PSMC6: variants seen among roughly 807,000 people sequenced by gnomAD.
PSMC6 encodes the protein proteasome 26S subunit, ATPase 6.
Under a neutral mutation model 55.9 loss-of-function variants are expected in PSMC6, and 3 were observed. The ratio of observed to expected loss-of-function variants is 0.05; its 90% confidence interval spans 0.02 to 0.14. The LOEUF is 0.14. Among genes scored for constraint, PSMC6 ranks in the 10% least tolerant of loss-of-function variants. The pLI is 1.00. For synonymous variants in PSMC6, 137 were observed against 155.9 expected, an observed-to-expected ratio of 0.88 and a Z score of 0.90; for missense variants, 210 against 478.7, an observed-to-expected ratio of 0.44 and a Z score of 5.24.
At chr14:52,707,422 CAGGGACA>C in intron 1 of PSMC6, 118 bp downstream of exon 1, 1 of 1,380,962 alleles carries the variant, frequency 7.2e-7, no homozygotes, top group Non-Finnish European at 9.8e-7. Flanking sequence ...GGCCTAGGGC[CAGGGACA>C]AGGCGCTTTG....
chr14:52,707,249 G>A lies in PSMC6; in HGVS notation c.30G>A (p.Gln10=), dbSNP rs1292120806. Residue 10 remains glutamine (Q), a synonymous_variant, in exon 1 of 14, where the codon CAG becomes CAA. Transcript: ENST00000445930. MADPRDKAL[Q]DYRKKLLEHK... Reference sequence around the variant, plus strand: ...CGGACCCTAGAGATAAGGCGCTTCAGGACTACCGCAAGAAGTTGCTTGAAC... The same window carrying A: ...CGGACCCTAGAGATAAGGCGCTTCAAGACTACCGCAAGAAGTTGCTTGAAC... 1.2e-6 allele frequency: 2 copies of A among 1,614,098 alleles called. No individual in the cohort carries two copies. Among genetic ancestry groups the A allele is most frequent in the Non-Finnish European group, 1.7e-6 (2 of 1,180,018 alleles).
intron 13 of PSMC6, 94 bp from the exon 14 acceptor site, chr14:52,727,405 T>C (rs1880466473): frequency 1.2e-6 from 1 of 825,344 alleles, no homozygotes; most frequent in African/African-American, 1.8e-5. Context: ...AATCTAAGCT[T>C]CACATTTATT....
Position 52,707,598 on chromosome 14 carries a change from A to G in PSMC6, c.85+294A>G, listed in dbSNP as rs74415994. 8.4e-3 allele frequency: 2,985 copies of G among 354,712 alleles called. 86 individuals carry two copies. Among genetic ancestry groups the G allele is most frequent in the African/African-American group, 0.059 (2,778 of 47,106 alleles). 22.0% of individuals were successfully genotyped at this position (354,712 alleles called of 1,614,324 possible). A position where few individuals can be genotyped will look rare whatever the true frequency, so the allele number is the denominator to read the frequency against. ...GAGGATGTTTCCCAGGTTAGGGTGC[A>G]AGAAGGGCAGTCTTGGTGGAGTCCC... On this transcript the variant is annotated intron_variant, in intron 1 of 13. Coordinates refer to ENST00000445930, the MANE Select transcript of PSMC6 (RefSeq NM_002806.5).
chr14:52,708,611 G>T, intron 3 of PSMC6, 89 bp downstream of exon 3: 5 of 1,527,954 alleles, frequency 3.3e-6, no homozygotes. Context: ...TGACAATAAT[G>T]CAGAGAGAGA....
In PSMC6 at chr14:52,728,501, A is replaced by T. The variant is rs1880514116; in HGVS notation, c.*884A>T. The T allele has an allele frequency of 6.6e-6, 1 of 152,204 alleles. No individual in the cohort carries two copies. The highest frequency in any genetic ancestry group is 1.5e-5 in the Non-Finnish European group (1 of 68,036). The allele number at this position is 152,204 out of a possible 1,614,324, so 9.4% of individuals were successfully genotyped here. ...TGGCTAAGAGTGTATGATGTAGGGGATGTAGGAGTGTCAGAAATGTTCAAA... is the reference window on the plus strand; with the variant it reads ...TGGCTAAGAGTGTATGATGTAGGGGTTGTAGGAGTGTCAGAAATGTTCAAA... On this transcript the variant is annotated 3_prime_UTR_variant, in exon 14 of 14. Coordinates refer to ENST00000445930, the MANE Select transcript of PSMC6 (RefSeq NM_002806.5).
intron 12 of PSMC6, chr14:52,722,390 TA>T (rs1327285222): frequency 6.6e-6 from 1 of 150,786 alleles, no homozygotes; most frequent in Non-Finnish European, 1.5e-5. Flanking sequence ...TTTTTTTTTT[TA>T]ATAATGCTAC....
At chr14:52,725,767 G>A (rs1248340890) in intron 13 of PSMC6, among the ~76,000 whole-genome samples, 1 of 152,086 alleles carries the variant, frequency 6.6e-6, no homozygotes, top group Non-Finnish European at 1.5e-5. Flanking sequence ...CACCCACCTG[G>A]GCCTCCCAAA....
chr14:52,727,115 G>T (rs1880452534), intron 13 of PSMC6, among the ~76,000 whole-genome samples: 1 of 149,408 alleles, frequency 6.7e-6, no homozygotes, highest in Non-Finnish European at 1.5e-5. Context: ...CCGCCTCCTG[G>T]GTTCAAGCCA....
At chr14:52,715,640 G>T (rs1206928171) in intron 7 of PSMC6, among the ~76,000 whole-genome samples, 3 of 147,574 alleles carry the variant, frequency 2.0e-5, no homozygotes, top group South Asian at 2.1e-4. Context: ...TTTTGATAAG[G>T]TGTTACTCTG....
rs1309623315 is a variant in PSMC6 at position 52,727,565 on chromosome 14, A to G, written c.1118A>G (p.Lys373Arg). 6.2e-7 allele frequency: 1 copy of G among 1,611,756 alleles called. No individual in the cohort carries two copies. The highest frequency in any genetic ancestry group is 8.5e-7 in the Non-Finnish European group (1 of 1,179,774). ...GAAGACTTCATGAAAGCAGTCAGAA[A>G]AGTGGCTGATTCTAAGAAGCTGGAG... ...VQEDFMKAVR[K>R]VADSKKLESK... Residue 373 changes from lysine (K) to arginine (R), a missense_variant, in exon 14 of 14, where the codon AAA becomes AGA. This residue lies in a region of PSMC6 where 79 missense variants were observed against 158.7 expected (regional missense o/e 0.50). Coordinates refer to ENST00000445930, the MANE Select transcript of PSMC6 (RefSeq NM_002806.5).
intron 5 of PSMC6, 80 bp downstream of exon 5, chr14:52,711,248 C>G: frequency 7.1e-7 from 1 of 1,401,272 alleles, no homozygotes; most frequent in Admixed American, 1.9e-5. Context: ...TTCTTGAGAT[C>G]ACTGAATATT....
At chr14:52,707,553 G>A in intron 1 of PSMC6, 1 of 463,394 alleles carries the variant, frequency 2.2e-6, no homozygotes, top group Non-Finnish European at 3.9e-6. Flanking sequence ...AGAAGTAGAG[G>A]AGGAGTGGGG....
chr14:52,721,001 C>G lies in PSMC6; in HGVS notation c.898+20C>G, dbSNP rs376087482. The stretch of plus-strand genomic sequence containing the variant: ...AAATACGTGAGTTAAGATTCTTTAC[C>G]TACTGTCCATTTCCCTTTGTGCCCA... On this transcript the variant is annotated intron_variant, in intron 11 of 13. Coordinates refer to ENST00000445930, the MANE Select transcript of PSMC6 (RefSeq NM_002806.5). 16 of 1,609,736 alleles carry G rather than the reference C, an allele frequency of 9.9e-6. No homozygotes were observed. The African/African-American group carries it at 1.7e-4, about 17-fold the overall frequency.
At chr14:52,722,201 G>A (rs754432059) in intron 12 of PSMC6, 1 of 152,384 alleles carries the variant, frequency 6.6e-6, no homozygotes, top group Non-Finnish European at 1.5e-5. Context: ...CTTGGGAGTG[G>A]TGGAGGTGAA....
At position 52,724,574 on chromosome 14, in the gene PSMC6, G is replaced by C. The variant is rs115168075; in HGVS notation, c.1051+538G>C. Among the ~76,000 whole-genome samples, 221 of 152,278 alleles carry C rather than the reference G, an allele frequency of 1.5e-3. 1 individual carries two copies. The highest frequency in any genetic ancestry group is 5.2e-3 in the African/African-American group (216 of 41,530). Reference sequence around the variant, plus strand: ...TGTGTATGTTGTCTAATACTAGTCTGTGAGCAGTGTTTTGAAAGATTGATT... The same window carrying C: ...TGTGTATGTTGTCTAATACTAGTCTCTGAGCAGTGTTTTGAAAGATTGATT... On this transcript the variant is annotated intron_variant, in intron 13 of 13. Transcript: ENST00000445930.
At chr14:52,720,473 TC>T (rs1482444880) in intron 10 of PSMC6, among the ~76,000 whole-genome samples, 62 of 150,712 alleles carry the variant, frequency 4.1e-4, no homozygotes, top group Admixed American at 2.3e-3. Context: ...GTCTGACATA[TC>T]ATAAGCACTT....
At chr14:52,712,166 T>G (rs1326475983) in intron 6 of PSMC6, among the ~76,000 whole-genome samples, 2 of 152,206 alleles carry the variant, frequency 1.3e-5, no homozygotes, top group Non-Finnish European at 2.9e-5. Context: ...TTGGAATGTC[T>G]TACACAATCT....
chr14:52,719,490 G>C (rs1374797241), intron 10 of PSMC6, among the ~76,000 whole-genome samples: 1 of 152,180 alleles, frequency 6.6e-6, no homozygotes, highest in Non-Finnish European at 1.5e-5. Context: ...ATAGATGACA[G>C]AATGAAAGAA....
chr14:52,712,949 C>T (rs1418048520), intron 6 of PSMC6, among the ~76,000 whole-genome samples: 4 of 151,938 alleles, frequency 2.6e-5, no homozygotes, highest in Admixed American at 1.3e-4. Flanking sequence ...ATTTCTCTCT[C>T]GGTCAGGCAT....
Sources: allele counts gnomAD v4.1 joint callset (sites outside exome capture counted in the v4.1 genomes callset), GRCh38; gene constraint gnomAD v4.1.1; regional missense constraint gnomAD v4.1.1; transcripts MANE v1.5; gene names NCBI Gene and HGNC (gene_info 2026-07-23, HGNC 2026-07-21).